The following SHARPIN variants were observed in gnomAD, a reference collection of about 807,000 sequenced individuals.
The protein encoded by SHARPIN is SHANK associated RH domain interactor.
SHARPIN carries 25 observed loss-of-function variants against 40.3 expected under a neutral mutation model. That is an observed-to-expected ratio of 0.62 (90% CI 0.45 to 0.87). SHARPIN has a LOEUF of 0.87. Ranked by LOEUF, SHARPIN falls within the 40% of genes least tolerant of loss-of-function variation. The pLI, the probability that SHARPIN is intolerant of heterozygous loss-of-function variation, is 0.00. For missense variants in SHARPIN, 551 were observed against 516.1 expected (o/e 1.07, Z -0.66); for synonymous variants, 274 against 221.8 (o/e 1.24, Z -2.09).
rs943623112 is a variant in SHARPIN, at chr8:144,101,565, C to G, written c.376+1486G>C. On this transcript the variant is annotated intron_variant, in intron 2 of 8. Coordinates refer to ENST00000398712, the MANE Select transcript of SHARPIN (RefSeq NM_030974.4). ...CTGGGACTATAGGTCCCCACCACCACACCCAGCTAATTTTTTTTTTTTTTT... is the reference window on the plus strand; with the variant it reads ...CTGGGACTATAGGTCCCCACCACCAGACCCAGCTAATTTTTTTTTTTTTTT... Among the ~76,000 whole-genome samples the G allele has an allele frequency of 1.2e-4, 17 of 144,506 alleles. 1 individual carries two copies. The highest frequency in any genetic ancestry group is 5.1e-4 in the Admixed American group (7 of 13,712). 94.8% of individuals were successfully genotyped at this position (144,506 alleles called of 152,430 possible).
intron 2 of SHARPIN, among the ~76,000 whole-genome samples, chr8:144,102,091 C>G (rs1018111664): frequency 1.2e-4 from 19 of 152,090 alleles, no homozygotes; most frequent in African/African-American, 4.6e-4. Context: ...GCCATGTGAG[C>G]CAGGGGCAGT....
chr8:144,100,190 A>G (rs1239903654), intron 2 of SHARPIN, 121 bp from the exon 3 acceptor site: 4 of 1,266,754 alleles, frequency 3.2e-6, no homozygotes, highest in Middle Eastern at 2.4e-4. Flanking sequence ...GCCTCAGGCC[A>G]CACTTCTAGC....
In SHARPIN at chr8:144,099,914, TC is replaced by T. The variant is rs775389013; in HGVS notation, c.517+14del. ...GCTATCCCCGAACCCCCCAACCCCC[TC>T]CCCCCACCTGTACCTCTCTCCGTCA... On this transcript the variant is annotated intron_variant, in intron 3 of 8. Coordinates refer to ENST00000398712, the MANE Select transcript of SHARPIN (RefSeq NM_030974.4). The T allele has an allele frequency of 1.4e-5, 6 of 427,458 alleles. No homozygotes were observed. The highest frequency in any genetic ancestry group is 2.2e-5 in the Non-Finnish European group (6 of 269,726). 26.5% of individuals were successfully genotyped at this position (427,458 alleles called of 1,614,324 possible). A position where few individuals can be genotyped will look rare whatever the true frequency, so the allele number is the denominator to read the frequency against.
Position 144,099,821 on chromosome 8 carries a change from G to T in SHARPIN, c.541C>A (p.Arg181=). 1 of 1,612,596 alleles carries T rather than the reference G, an allele frequency of 6.2e-7. No homozygotes were observed. Among genetic ancestry groups the T allele is most frequent in the Non-Finnish European group, 8.5e-7 (1 of 1,179,972 alleles). Residue 181 remains arginine (R), a synonymous_variant, in exon 4 of 9, where the codon CGG becomes AGG. Transcript: ENST00000398712. The part of the protein sequence containing the change: ...EREELAGSLA[R]AIAGGDEKGA... ...TTCTCGTCTCCACCTGCAATAGCCC[G>T]GGCCAGGCTCCCTGCCAGCTCTTCT...
Position 144,100,085 on chromosome 8 carries a change from G to A in SHARPIN, c.377-16C>T. The A allele has an allele frequency of 6.4e-7, 1 of 1,556,210 alleles. No homozygotes were observed. ...CTCTTGCTGCCTAGAGGTAAGATATGGGTGTGCTGTGCTGTGGCCTCTGTC... is the reference window on the plus strand; with the variant it reads ...CTCTTGCTGCCTAGAGGTAAGATATAGGTGTGCTGTGCTGTGGCCTCTGTC... On this transcript the variant is annotated splice_polypyrimidine_tract_variant and intron_variant, in intron 2 of 8. Coordinates refer to ENST00000398712, the MANE Select transcript of SHARPIN (RefSeq NM_030974.4).
chr8:144,100,173 G>C, intron 2 of SHARPIN, 104 bp from the exon 3 acceptor site: 1 of 1,415,232 alleles, frequency 7.1e-7, no homozygotes, highest in Non-Finnish European at 9.5e-7. Context: ...GTCCATGCCA[G>C]GGCCCTGCCT....
At chr8:144,098,825 GCCCTGCCCCCCACCTC>G in intron 8 of SHARPIN, 25 bp downstream of exon 8, 1 of 1,394,286 alleles carries the variant, frequency 7.2e-7, no homozygotes, top group Non-Finnish European at 9.8e-7. Context: ...TGTGGATTCT[GCCCTGCCCCCCACCTC>G]CCCTGCCTGT....
Position 144,103,699 on chromosome 8 carries a change from C to T in SHARPIN, c.55G>A (p.Ala19Thr). Reference sequence around the variant, plus strand: ...GCGGCGTGCACAGCCAAGAGCACTGCGGCGGAGCCCAAGTCCGAGGCCGCC... The same window carrying T: ...GCGGCGTGCACAGCCAAGAGCACTGTGGCGGAGCCCAAGTCCGAGGCCGCC... ...AAAASDLGSA[A>T]VLLAVHAAVR... Residue 19 changes from alanine (A) to threonine (T), a missense_variant, in exon 1 of 9, where the codon GCA becomes ACA. By Grantham distance (58) the Ala-to-Thr change is moderately conservative (BLOSUM62 0). Transcript: ENST00000398712. 3 of 1,479,300 alleles carry T rather than the reference C, an allele frequency of 2.0e-6. No homozygotes were observed. Among genetic ancestry groups the T allele is most frequent in the Non-Finnish European group, 2.7e-6 (3 of 1,122,108 alleles). 91.6% of individuals were successfully genotyped at this position (1,479,300 alleles called of 1,614,324 possible).
Position 144,099,758 on chromosome 8 carries a change from G to C in SHARPIN, c.604C>G (p.Arg202Gly), listed in dbSNP as rs776988893. Residue 202 changes from arginine (R) to glycine (G), a missense_variant, in exon 4 of 9, where the codon CGT becomes GGT. Physicochemically the swap from Arg to Gly is moderately radical, Grantham distance 125 (BLOSUM62 -2). Coordinates refer to ENST00000398712, the MANE Select transcript of SHARPIN (RefSeq NM_030974.4). Reference protein sequence around the residue: ...AQVAAVLAQHRVALSVQLQEA... With the variant: ...AQVAAVLAQHGVALSVQLQEA... Reference sequence around the variant, plus strand: ...TGAAGCTGAACACTCAGGGCCACACGATGCTGGGCCAGGACGGCTGCCACT... The same window carrying C: ...TGAAGCTGAACACTCAGGGCCACACCATGCTGGGCCAGGACGGCTGCCACT... 5.0e-6 allele frequency: 8 copies of C among 1,613,298 alleles called. No individual in the cohort carries two copies. Among genetic ancestry groups the C allele is most frequent in the Middle Eastern group, 1.7e-4 (1 of 6,058 alleles).
intron 2 of SHARPIN, 60 bp downstream of exon 2, chr8:144,102,991 C>T: frequency 6.2e-7 from 1 of 1,601,346 alleles, no homozygotes; most frequent in African/African-American, 1.3e-5. Flanking sequence ...ACTTCCCCAA[C>T]CAGGACTGGG....
chr8:144,100,112 A>G, intron 2 of SHARPIN, 43 bp from the exon 3 acceptor site: 1 of 1,516,628 alleles, frequency 6.6e-7, no homozygotes, highest in Non-Finnish European at 8.8e-7. Flanking sequence ...GCCTCTGTCC[A>G]GGCCTCTAGG....
At chr8:144,101,129 C>A (rs567754700) in intron 2 of SHARPIN, among the ~76,000 whole-genome samples, 1 of 152,294 alleles carries the variant, frequency 6.6e-6, no homozygotes, top group Non-Finnish European at 1.5e-5. Context: ...GCCACCGCGC[C>A]CGGCCCCTGC....
Position 144,099,496 on chromosome 8 carries a change from G to A in SHARPIN, c.768+14C>T. On this transcript the variant is annotated intron_variant, in intron 5 of 8. Coordinates refer to ENST00000398712, the MANE Select transcript of SHARPIN (RefSeq NM_030974.4). ...CCTCTGCCCCTGGCAGGGCTCCCCA[G>A]ACCCTGTGCCCACCTGCTCCTGGAG... The A allele has an allele frequency of 6.2e-7, 1 of 1,612,236 alleles. No individual in the cohort carries two copies. Among genetic ancestry groups the A allele is most frequent in the Non-Finnish European group, 8.5e-7 (1 of 1,179,078 alleles).
intron 2 of SHARPIN, among the ~76,000 whole-genome samples, chr8:144,101,575 ATTT>A (rs58173496): frequency 0.013 from 1,181 of 87,506 alleles, 24 homozygotes; most frequent in African/African-American, 0.048. Context: ...CACCCAGCTA[ATTT>A]TTTTTTTTTT....
At chr8:144,099,906 C>A in intron 3 of SHARPIN, 23 bp downstream of exon 3, 1 of 1,600,392 alleles carries the variant, frequency 6.2e-7, no homozygotes, top group Non-Finnish European at 8.5e-7. Context: ...CCGAACCCCC[C>A]AACCCCCTCC....
intron 1 of SHARPIN, 145 bp from the exon 2 acceptor site, chr8:144,103,370 A>G (rs2130000707): frequency 1.8e-6 from 2 of 1,114,208 alleles, no homozygotes; most frequent in East Asian, 5.2e-5. Flanking sequence ...ATAGCCCTGT[A>G]AAGTAGGTCC....
At chr8:144,101,668 G>A (rs534998362) in intron 2 of SHARPIN, among the ~76,000 whole-genome samples, 18 of 148,172 alleles carry the variant, frequency 1.2e-4, no homozygotes, top group Non-Finnish European at 2.1e-4. Flanking sequence ...TGCCCACATC[G>A]GCCTCCCAAA....
rs748973820 is a variant in SHARPIN, at chr8:144,100,046, C to G, written c.400G>C (p.Ala134Pro). The G allele has an allele frequency of 1.0e-5, 16 of 1,584,452 alleles. No homozygotes were observed. The highest frequency in any genetic ancestry group is 1.2e-5 in the Non-Finnish European group (14 of 1,165,366). Residue 134 changes from alanine to proline, a missense_variant, in exon 3 of 9, where the codon GCC (alanine) becomes CCC (proline). By Grantham distance (27) the Ala-to-Pro change is conservative (BLOSUM62 -1). Coordinates refer to ENST00000398712, the MANE Select transcript of SHARPIN (RefSeq NM_030974.4). ...ACAGGGCATGCTTCTGGGCCCAAGGCTGGTGGTGAGTTGCTCTTGCTGCCT... is the reference window on the plus strand; with the variant it reads ...ACAGGGCATGCTTCTGGGCCCAAGGGTGGTGGTGAGTTGCTCTTGCTGCCT... Reference protein sequence around the residue: ...QNGSKSNSPPALGPEACPVSL... With the variant: ...QNGSKSNSPPPLGPEACPVSL...
rs576882614 is a variant in SHARPIN at position 144,100,205 on chromosome 8, CCTT to C, written c.377-139_377-137del. The C allele has an allele frequency of 2.0e-4, 215 of 1,080,556 alleles. No homozygotes were observed. In the African/African-American group the frequency reaches 3.2e-3, roughly 16 times the overall value. 66.9% of individuals were successfully genotyped at this position (1,080,556 alleles called of 1,614,324 possible). A position where few individuals can be genotyped will look rare whatever the true frequency, so the allele number is the denominator to read the frequency against. On this transcript the variant is annotated intron_variant, in intron 2 of 8. Coordinates refer to ENST00000398712, the MANE Select transcript of SHARPIN (RefSeq NM_030974.4). ...GCCTCAGGCCACACTTCTAGCCACA[CCTT>C]CTCCCAGCCTTGGCTCTGGCAAGAC...
Sources: gnomAD v4.1 joint callset for allele counts (sites outside exome capture counted in the v4.1 genomes callset) on GRCh38, gnomAD v4.1.1 for gene constraint, MANE v1.5 for transcripts, NCBI Gene and HGNC (gene_info 2026-07-23, HGNC 2026-07-21) for gene names.